Variants in MMP13 observed in about 807,000 individuals in gnomAD.
MMP13 encodes the protein collagenase 3.
MMP13 carries 45 observed loss-of-function variants against 52.1 expected under a neutral mutation model. That is an observed-to-expected ratio of 0.86 (90% CI 0.68 to 1.11). The LOEUF (loss-of-function observed/expected upper bound fraction) is 1.11. MMP13 is among the 50% of genes least tolerant of loss of function. MMP13 has a pLI of 0.00. For missense variants in MMP13, 576 were observed against 583.8 expected, an observed-to-expected ratio of 0.99 and a Z score of 0.14; for synonymous variants, 200 against 204.4, an observed-to-expected ratio of 0.98 and a Z score of 0.18.
chr11:102,954,824 T>C (rs890489982), intron 2 of MMP13, among the ~76,000 whole-genome samples: 2 of 152,200 alleles, frequency 1.3e-5, no homozygotes, highest in Non-Finnish European at 2.9e-5. Context: ...TATCTGACCA[T>C]GTGGCATCTT....
intron 8 of MMP13, 28 bp downstream of exon 8, chr11:102,947,863 G>A (rs1030332475): frequency 6.2e-6 from 10 of 1,613,342 alleles, no homozygotes; most frequent in Non-Finnish European, 8.5e-6. Context: ...CTATGACACA[G>A]ATGGGTCAGT....
chr11:102,954,804 T>G (rs74676958), intron 2 of MMP13, among the ~76,000 whole-genome samples, 198 bp from the exon 3 acceptor site: 1 of 152,192 alleles, frequency 6.6e-6, no homozygotes, highest in Non-Finnish European at 1.5e-5. Flanking sequence ...CACATTTGAG[T>G]ATCTCCAAAT....
intron 9 of MMP13, chr11:102,945,343 C>T (rs1591152985): frequency 9.6e-7 from 1 of 1,038,836 alleles, no homozygotes. Flanking sequence ...CACTCCACAG[C>T]CAGTTTGAAT....
chr11:102,944,632 A>G (rs1860467661), intron 9 of MMP13, among the ~76,000 whole-genome samples: 1 of 151,758 alleles, frequency 6.6e-6, no homozygotes, highest in Non-Finnish European at 1.5e-5. Flanking sequence ...TATGAGACAG[A>G]GTCTCACTCT....
intron 9 of MMP13, chr11:102,945,360 A>C (rs1860485349): frequency 1.0e-6 from 1 of 967,374 alleles, no homozygotes; most frequent in African/African-American, 1.7e-5. Flanking sequence ...GAATTCTGGC[A>C]ATATCCTTGC....
chr11:102,950,261 G>C (rs1206953790), intron 5 of MMP13, 34 bp from the exon 6 acceptor site: 1 of 1,488,346 alleles, frequency 6.7e-7, no homozygotes, highest in South Asian at 1.1e-5. Flanking sequence ...GAAGTTATGA[G>C]TGTGACATTA....
Position 102,944,007 on chromosome 11 carries a change from G to T in MMP13, c.*259C>A, listed in dbSNP as rs1555016334. Reference sequence around the variant, plus strand: ...ATGTGTCCCATTTGTGGTGTGGGAAGTATCATCAACCATTGCTTTTGTACA... The same window carrying T: ...ATGTGTCCCATTTGTGGTGTGGGAATTATCATCAACCATTGCTTTTGTACA... On this transcript the variant is annotated 3_prime_UTR_variant, in exon 10 of 10. Transcript: ENST00000260302. The T allele has an allele frequency of 2.3e-6, 1 of 425,706 alleles. No homozygotes were observed. Among genetic ancestry groups the T allele is most frequent in the Non-Finnish European group, 4.5e-6 (1 of 223,736 alleles). The allele number at this position is 425,706 out of a possible 1,614,324, so 26.4% of individuals were successfully genotyped here. A position where few individuals can be genotyped will look rare whatever the true frequency, so the allele number is the denominator to read the frequency against.
intron 2 of MMP13, 39 bp from the exon 3 acceptor site, chr11:102,954,645 G>C (rs777074634): frequency 1.9e-6 from 3 of 1,581,506 alleles, no homozygotes; most frequent in South Asian, 2.2e-5. Flanking sequence ...TTTTTGGAAA[G>C]TGACAGCTAT....
At chr11:102,944,454 C>T in intron 9 of MMP13, 88 bp from the exon 10 acceptor site, 1 of 937,148 alleles carries the variant, frequency 1.1e-6, no homozygotes, top group Admixed American at 1.8e-5. Flanking sequence ...TCTCTTAGAT[C>T]CCATTTGTAG....
chr11:102,944,333 A>G lies in MMP13; in HGVS notation c.1349T>C (p.Phe450Ser). 6.2e-7 allele frequency: 1 copy of G among 1,613,070 alleles called. No individual in the cohort carries two copies. Among genetic ancestry groups the G allele is most frequent in the Non-Finnish European group, 8.5e-7 (1 of 1,179,228 alleles). Residue 450 changes from phenylalanine to serine, a missense_variant, in exon 10 of 10, where the codon TTT becomes TCT. Transcript: ENST00000260302. The part of the protein sequence containing the change: ...YIYFFNGPIQ[F>S]EYSIWSNRIV... Reference sequence around the variant, plus strand: ...ACGGTTACTCCAGATGCTGTATTCAAACTGTATGGGTCCGTTGAAAAAATA... The same window carrying G: ...ACGGTTACTCCAGATGCTGTATTCAGACTGTATGGGTCCGTTGAAAAAATA...
In MMP13 at chr11:102,949,123, G is replaced by T; in HGVS notation, c.953C>A (p.Ala318Glu). 2 of 1,613,686 alleles carry T rather than the reference G, an allele frequency of 1.2e-6. No homozygotes were observed. Among genetic ancestry groups the T allele is most frequent in the Non-Finnish European group, 1.7e-6 (2 of 1,179,774 alleles). Residue 318 changes from alanine to glutamate, a missense_variant, in exon 7 of 10, where the codon GCG (alanine) becomes GAG (glutamate). Transcript: ENST00000260302. The surrounding 1 kb of genome is among the most constrained non-coding windows in gnomAD (Gnocchi z 4.2). ...AAATGATTTCGTTAAAAACAGCTCC[G>T]CATCAACCTGCTGAGGATGCAGGCG... ...FWRLHPQQVDAELFLTKSFWP... is the reference protein window; with the variant it reads ...FWRLHPQQVDEELFLTKSFWP...
chr11:102,954,128 T>C (rs1170185289), intron 4 of MMP13, 28 bp downstream of exon 4: 1 of 1,612,182 alleles, frequency 6.2e-7, no homozygotes, highest in East Asian at 2.2e-5. Flanking sequence ...TAATAACACA[T>C]AAATGATATC....
chr11:102,954,261 A>T lies in MMP13; in HGVS notation c.532T>A (p.Phe178Ile). 2 of 1,613,570 alleles carry T rather than the reference A, an allele frequency of 1.2e-6. No individual in the cohort carries two copies. The highest frequency in any genetic ancestry group is 1.7e-6 in the Non-Finnish European group (2 of 1,179,726). ...GIKEHGDFYPFDGPSGLLAHA... is the reference protein window; with the variant it reads ...GIKEHGDFYPIDGPSGLLAHA... ...GCCAGCAGGCCAGAGGGCCCATCAAATGGGTAGAAGTCGCCATGCTCTACA... is the reference window on the plus strand; with the variant it reads ...GCCAGCAGGCCAGAGGGCCCATCAATTGGGTAGAAGTCGCCATGCTCTACA... The change falls in exon 4 of 10, where the codon TTT (phenylalanine) becomes ATT (isoleucine). Residue 178 changes from phenylalanine to isoleucine, a missense_variant. Phe to Ile is a conservative substitution (Grantham distance 21). Coordinates refer to ENST00000260302, the MANE Select transcript of MMP13 (RefSeq NM_002427.4).
chr11:102,945,028 G>C (rs1339050621), intron 9 of MMP13: 2 of 218,632 alleles, frequency 9.1e-6, no homozygotes, highest in African/African-American at 4.7e-5. Flanking sequence ...TGAATCGCTT[G>C]AGGCCAGGAG....
At chr11:102,946,084 T>G (rs574405713) in intron 8 of MMP13, among the ~76,000 whole-genome samples, 5 of 152,352 alleles carry the variant, frequency 3.3e-5, no homozygotes, top group South Asian at 2.1e-4. Context: ...ATAGAACAAT[T>G]AGCTGTTGAT....
intron 8 of MMP13, among the ~76,000 whole-genome samples, chr11:102,947,174 C>T (rs1221898036): frequency 3.9e-5 from 6 of 152,226 alleles, no homozygotes; most frequent in Non-Finnish European, 8.8e-5. Flanking sequence ...CTTCTCTAAA[C>T]CAATCTTTTC....
At chr11:102,950,311 A>G (rs1289389969) in intron 5 of MMP13, 84 bp from the exon 6 acceptor site, 9 of 1,083,040 alleles carry the variant, frequency 8.3e-6, no homozygotes, top group Non-Finnish European at 1.3e-5. Context: ...TGATCTGCTG[A>G]TGGACAGTGG....
intron 9 of MMP13, 92 bp downstream of exon 9, chr11:102,945,554 T>C (rs1555016570): frequency 6.0e-6 from 5 of 832,210 alleles, no homozygotes; most frequent in Non-Finnish European, 4.1e-6. Flanking sequence ...TATTAACACA[T>C]CTAGGTCCTA....
intron 8 of MMP13, among the ~76,000 whole-genome samples, chr11:102,946,338 G>T (rs1555016658): frequency 6.6e-6 from 1 of 152,120 alleles, no homozygotes; most frequent in Non-Finnish European, 1.5e-5. Context: ...AGGAAAACAG[G>T]CTCCCATAAG....
Sources: gnomAD v4.1 joint callset for allele counts (sites outside exome capture counted in the v4.1 genomes callset) on GRCh38, gnomAD v4.1.1 for gene constraint, Gnocchi (gnomAD v3.1) non-coding constraint, MANE v1.5 for transcripts, NCBI Gene and HGNC (gene_info 2026-07-23, HGNC 2026-07-21) for gene names.